Variants in TNFRSF13B observed in about 807,000 individuals in gnomAD.
The protein encoded by TNFRSF13B is TNF receptor superfamily member 13B.
A neutral mutation model predicts 24.0 loss-of-function variants in TNFRSF13B; 34 were observed. The observed-to-expected ratio is 1.41, with a 90% CI of 1.08 to 1.88. The LOEUF (loss-of-function observed/expected upper bound fraction) is 1.88, where lower values mean the gene tolerates loss of function less well. Among genes scored for constraint, TNFRSF13B ranks in the 40% most tolerant of loss-of-function variants. The pLI is 0.00. For missense variants in TNFRSF13B, 415 were observed against 380.8 expected, an observed-to-expected ratio of 1.09 and a Z score of -0.75; for synonymous variants, 173 against 150.3, an observed-to-expected ratio of 1.15 and a Z score of -1.10.
chr17:16,946,909 T>C (rs1043728238), intron 3 of TNFRSF13B, among the ~76,000 whole-genome samples: 11 of 151,944 alleles, frequency 7.2e-5, no homozygotes, highest in South Asian at 2.1e-4. Flanking sequence ...CAATTTTTTT[T>C]CCCTCTGGCA....
At chr17:16,961,145 A>G (rs2087659764) in intron 1 of TNFRSF13B, among the ~76,000 whole-genome samples, 1 of 152,238 alleles carries the variant, frequency 6.6e-6, no homozygotes, top group African/African-American at 2.4e-5. Flanking sequence ...GGCACTGCTC[A>G]TGGGAATGTA....
intron 1 of TNFRSF13B, among the ~76,000 whole-genome samples, chr17:16,955,407 C>T (rs1042354764): frequency 6.6e-6 from 1 of 152,178 alleles, no homozygotes; most frequent in Non-Finnish European, 1.5e-5. Context: ...TTGTAAAGGA[C>T]GTTCGTAGAA....
intron 1 of TNFRSF13B, among the ~76,000 whole-genome samples, chr17:16,966,379 C>G (rs544142799): frequency 2.6e-5 from 4 of 152,064 alleles, no homozygotes; most frequent in African/African-American, 7.2e-5. Context: ...CTTTGCAACT[C>G]AGATCTAAAG....
intron 3 of TNFRSF13B, chr17:16,941,410 C>T (rs1175178996): frequency 1.0e-6 from 1 of 987,540 alleles, no homozygotes; most frequent in African/African-American, 1.7e-5. Flanking sequence ...GGTGAAAGCC[C>T]TCCCCTTGGA....
intron 1 of TNFRSF13B, among the ~76,000 whole-genome samples, chr17:16,954,761 G>A (rs886531675): frequency 6.6e-6 from 1 of 152,192 alleles, no homozygotes; most frequent in African/African-American, 2.4e-5. Flanking sequence ...CATAAAGAGG[G>A]TGTGACCCCA....
Position 16,939,293 on chromosome 17 carries a change from C to G in TNFRSF13B, c.*254G>C. ...TCTGTCTCTCTGCCTCTCTCCCTCT[C>G]TGCCTCTCTCCCTCTCTGCCTCTCT... On this transcript the variant is annotated 3_prime_UTR_variant, in exon 5 of 5. Coordinates refer to ENST00000261652, the MANE Select transcript of TNFRSF13B (RefSeq NM_012452.3). The G allele has an allele frequency of 2.0e-6, 1 of 490,196 alleles. No homozygotes were observed. Among genetic ancestry groups the G allele is most frequent in the Non-Finnish European group, 3.6e-6 (1 of 278,970 alleles). 30.4% of individuals were successfully genotyped at this position (490,196 alleles called of 1,614,324 possible). A position where few individuals can be genotyped will look rare whatever the true frequency, so the allele number is the denominator to read the frequency against.
chr17:16,969,419 G>GA (rs1353736254), intron 1 of TNFRSF13B, among the ~76,000 whole-genome samples: 1 of 152,194 alleles, frequency 6.6e-6, no homozygotes, highest in African/African-American at 2.4e-5. Context: ...GACGGCCCTT[G>GA]AAAACATTAT....
intron 3 of TNFRSF13B, chr17:16,940,819 A>G: frequency 7.8e-7 from 1 of 1,287,878 alleles, no homozygotes; most frequent in Non-Finnish European, 9.9e-7. Context: ...GGGTGAATCG[A>G]CAGACGAACA....
intron 1 of TNFRSF13B, among the ~76,000 whole-genome samples, chr17:16,961,521 C>T (rs1380132594): frequency 6.6e-6 from 1 of 152,020 alleles, no homozygotes; most frequent in Non-Finnish European, 1.5e-5. Flanking sequence ...TTTCCCTTAC[C>T]TGAGGGAAGT....
chr17:16,961,097 A>G (rs1774196249), intron 1 of TNFRSF13B, among the ~76,000 whole-genome samples: 2 of 152,228 alleles, frequency 1.3e-5, no homozygotes, highest in Admixed American at 6.5e-5. Context: ...AAAATGGAAA[A>G]TAAGCAGCGT....
At chr17:16,958,221 TA>T (rs2087637856) in intron 1 of TNFRSF13B, among the ~76,000 whole-genome samples, 1 of 151,600 alleles carries the variant, frequency 6.6e-6, no homozygotes, top group Admixed American at 6.6e-5. Flanking sequence ...AGAAAATAAC[TA>T]AAATATGTAT....
At chr17:16,950,326 G>A (rs988315289) in intron 2 of TNFRSF13B, among the ~76,000 whole-genome samples, 3 of 152,138 alleles carry the variant, frequency 2.0e-5, no homozygotes, top group African/African-American at 7.2e-5. Context: ...TGACTTCTTC[G>A]TAGGGTTGTT....
At chr17:16,960,796 T>C (rs1465485041) in intron 1 of TNFRSF13B, among the ~76,000 whole-genome samples, 1 of 152,196 alleles carries the variant, frequency 6.6e-6, no homozygotes, top group Non-Finnish European at 1.5e-5. Flanking sequence ...AAGGACACTA[T>C]TGAGAGAGTG....
intron 4 of TNFRSF13B, 177 bp downstream of exon 4, chr17:16,940,149 C>G: frequency 1.4e-6 from 2 of 1,468,514 alleles, no homozygotes; most frequent in Non-Finnish European, 9.0e-7. Flanking sequence ...GTGCCACTCT[C>G]CCAGTTATCT....
chr17:16,966,799 CACA>C (rs2087702922), intron 1 of TNFRSF13B, among the ~76,000 whole-genome samples: 2 of 149,440 alleles, frequency 1.3e-5, no homozygotes, highest in Admixed American at 1.3e-4. Context: ...CCGAAGTGAG[CACA>C]ACATTTGGTT....
rs2087635552 is a variant in TNFRSF13B, at chr17:16,957,882, C to G, written c.62-5299G>C. 3.3e-5 allele frequency among the ~76,000 whole-genome samples: 5 copies of G among 152,244 alleles called. No homozygotes were observed. In the South Asian group the frequency reaches 1.0e-3, roughly 32 times the overall value. ...AGTCTTTCATGCTGAAATAAAAGTA[C>G]TCTAGACGGTACCTTGAAGACATAA... On this transcript the variant is annotated intron_variant, in intron 1 of 4. Transcript: ENST00000261652.
intron 3 of TNFRSF13B, chr17:16,940,749 CCTT>C (rs2087504430): frequency 1.4e-6 from 2 of 1,425,076 alleles, no homozygotes; most frequent in South Asian, 1.5e-5. Context: ...GTGAGCTAGG[CCTT>C]CTTGTTGTCT....
At chr17:16,964,734 A>G (rs1326081935) in intron 1 of TNFRSF13B, among the ~76,000 whole-genome samples, 1 of 152,178 alleles carries the variant, frequency 6.6e-6, no homozygotes, top group Admixed American at 6.5e-5. Context: ...AAATGGGGAC[A>G]GCCACTTCTA....
At position 16,972,017 on chromosome 17, in the gene TNFRSF13B, C is replaced by T. The variant is rs768682333; in HGVS notation, c.59G>A (p.Arg20His). Residue 20 changes from arginine to histidine, a missense_variant and splice_region_variant, in exon 1 of 5, where the codon CGC (arginine) becomes CAC (histidine). Coordinates refer to ENST00000261652, the MANE Select transcript of TNFRSF13B (RefSeq NM_012452.3). ...GGRSRVDQEE[R>H]FPQGLWTGVA... ...TGCCCTCCTGCCCGGCTACTCACAG[C>T]GCTCCTCCTGGTCCACACGGCTCCG... is the stretch of plus-strand genomic sequence containing the variant. 64 of 1,614,026 alleles carry T rather than the reference C, an allele frequency of 4.0e-5. No homozygotes were observed. Among genetic ancestry groups the T allele is most frequent in the Non-Finnish European group, 4.5e-5 (53 of 1,180,044 alleles).
Sources: gnomAD v4.1 joint callset for allele counts (sites outside exome capture counted in the v4.1 genomes callset) on GRCh38, gnomAD v4.1.1 for gene constraint, MANE v1.5 for transcripts, NCBI Gene and HGNC (gene_info 2026-07-23, HGNC 2026-07-21) for gene names.